SPIRE1: variants seen among roughly 807,000 people sequenced by gnomAD.
SPIRE1 encodes spire type actin nucleation factor 1, also known as protein spire homolog 1.
A neutral mutation model predicts 94.1 loss-of-function variants in SPIRE1; 40 were observed. The ratio of observed to expected loss-of-function variants is 0.43; its 90% confidence interval spans 0.33 to 0.55. The LOEUF (loss-of-function observed/expected upper bound fraction) is 0.55. Ranked by LOEUF, SPIRE1 falls within the 20% of genes least tolerant of loss-of-function variation. The probability of loss-of-function intolerance (pLI) is 0.06; values close to 1 mark genes in which losing one functional copy is unlikely to be tolerated. For missense variants in SPIRE1, 838 were observed against 975.2 expected (o/e 0.86, Z 1.87); for synonymous variants, 376 against 371.7 (o/e 1.01, Z -0.13).
intron 1 of SPIRE1, among the ~76,000 whole-genome samples, chr18:12,656,934 T>C (rs2144918621): frequency 6.6e-6 from 1 of 152,320 alleles, no homozygotes; most frequent in African/African-American, 2.4e-5. Flanking sequence ...AAAATCACTA[T>C]TTAGTCTATT....
intron 2 of SPIRE1, among the ~76,000 whole-genome samples, chr18:12,590,946 T>C (rs1287533187): frequency 6.6e-6 from 1 of 152,230 alleles, no homozygotes; most frequent in African/African-American, 2.4e-5. Context: ...TATAGTCATA[T>C]ATTATCATTT....
chr18:12,648,732 A>T (rs1158594894), intron 1 of SPIRE1, among the ~76,000 whole-genome samples: 1 of 152,022 alleles, frequency 6.6e-6, no homozygotes, highest in African/African-American at 2.4e-5. Context: ...TCTACTAAAA[A>T]TACAAAATTA....
At position 12,544,216 on chromosome 18, in the gene SPIRE1, T is replaced by C. The variant is rs75114664; in HGVS notation, c.603+2458A>G. Among the ~76,000 whole-genome samples the C allele has an allele frequency of 3.8e-4, 57 of 151,904 alleles. No individual in the cohort carries two copies. In the East Asian group the frequency reaches 0.01, roughly 27 times the overall value. Reference sequence around the variant, plus strand: ...TTTCTTTCTTTTTTTTTTTCTTTTTTTGAGACAGAGTCTCACTCTGTCACC... The same window carrying C: ...TTTCTTTCTTTTTTTTTTTCTTTTTCTGAGACAGAGTCTCACTCTGTCACC... On this transcript the variant is annotated intron_variant, in intron 3 of 16. Coordinates refer to ENST00000409402, the MANE Select transcript of SPIRE1 (RefSeq NM_001128626.2).
At chr18:12,460,889 T>C (rs1294305879) in intron 12 of SPIRE1, among the ~76,000 whole-genome samples, 1 of 152,190 alleles carries the variant, frequency 6.6e-6, no homozygotes, top group Non-Finnish European at 1.5e-5. Context: ...ATTTTATGGA[T>C]TTCCCAAGAT....
chr18:12,535,382 C>G, intron 4 of SPIRE1, 94 bp downstream of exon 4: 1 of 1,311,286 alleles, frequency 7.6e-7, no homozygotes, highest in Non-Finnish European at 1.1e-6. Flanking sequence ...AACAATACAG[C>G]GGACAATATT....
At position 12,512,516 on chromosome 18, in the gene SPIRE1, G is replaced by T; in HGVS notation, c.745C>A (p.Gln249Lys). 6.2e-7 allele frequency: 1 copy of T among 1,608,740 alleles called. No individual in the cohort carries two copies. The change falls in exon 5 of 17, where the codon CAA becomes AAA. Residue 249 changes from glutamine (Q) to lysine (K), a missense_variant. Around this residue, in one of 2 missense-constraint regions of SPIRE1, gnomAD observed 645 missense variants for 804.7 expected, o/e 0.80. Transcript: ENST00000409402. ...GATTCATCGCTCTTTTCCATTTCTT[G>T]AATCTTCTTAAGATTCTACAGGTTA... ...KSAKENLKKI[Q>K]EMEKSDESST...
intron 2 of SPIRE1, among the ~76,000 whole-genome samples, chr18:12,571,819 A>C (rs971627955): frequency 2.0e-5 from 3 of 152,250 alleles, no homozygotes; most frequent in Non-Finnish European, 2.9e-5. Flanking sequence ...CAATGGAGAT[A>C]CAGCAATGAA....
intron 8 of SPIRE1, 72 bp from the exon 9 acceptor site, chr18:12,486,072 G>A (rs184594878): frequency 3.3e-6 from 4 of 1,200,048 alleles, no homozygotes; most frequent in Non-Finnish European, 4.7e-6. Flanking sequence ...GGACAAAAAA[G>A]GGAACGGATT....
intron 8 of SPIRE1, among the ~76,000 whole-genome samples, chr18:12,486,604 C>A (rs2033051462): frequency 6.6e-6 from 1 of 152,152 alleles, no homozygotes; most frequent in African/African-American, 2.4e-5. Flanking sequence ...GGGAGTGTGA[C>A]CCCAGGCAAG....
intron 2 of SPIRE1, among the ~76,000 whole-genome samples, chr18:12,606,824 C>T (rs913421330): frequency 1.2e-4 from 19 of 152,148 alleles, no homozygotes; most frequent in Admixed American, 7.2e-4. Flanking sequence ...AGCCATCGCA[C>T]GGGGCCAGAT....
At chr18:12,590,535 A>G (rs192231596) in intron 2 of SPIRE1, among the ~76,000 whole-genome samples, 2 of 152,338 alleles carry the variant, frequency 1.3e-5, no homozygotes, top group African/African-American at 4.8e-5. Context: ...AGAAAGTTAT[A>G]AGATGTTCCA....
chr18:12,452,145 CAAACCAATAA>C, intron 16 of SPIRE1, 100 bp downstream of exon 16: 1 of 1,361,382 alleles, frequency 7.3e-7, no homozygotes, highest in Non-Finnish European at 1.0e-6. Flanking sequence ...AACCAACCAA[CAAACCAATAA>C]AAACCCCTCG....
At chr18:12,631,149 C>T (rs1300514422) in intron 2 of SPIRE1, among the ~76,000 whole-genome samples, 2 of 152,100 alleles carry the variant, frequency 1.3e-5, no homozygotes, top group Non-Finnish European at 2.9e-5. Flanking sequence ...TCTCATACCA[C>T]AGCTCTCAAA....
intron 10 of SPIRE1, among the ~76,000 whole-genome samples, chr18:12,465,197 G>C (rs962978050): frequency 6.6e-6 from 1 of 152,012 alleles, no homozygotes; most frequent in Non-Finnish European, 1.5e-5. Flanking sequence ...GTTTTTTGGA[G>C]ACAGGGTCTC....
intron 10 of SPIRE1, among the ~76,000 whole-genome samples, chr18:12,475,441 TTC>T (rs912684322): frequency 3.5e-4 from 54 of 152,176 alleles, no homozygotes; most frequent in African/African-American, 1.2e-3. Context: ...ACCATCATAT[TTC>T]TGTCTGTACC....
intron 10 of SPIRE1, among the ~76,000 whole-genome samples, chr18:12,471,137 G>A (rs2032343548): frequency 6.6e-6 from 1 of 151,242 alleles, no homozygotes; most frequent in Non-Finnish European, 1.5e-5. Flanking sequence ...ACCAAGATAG[G>A]CTAGCAAAGG....
rs566833481 is a variant in SPIRE1 at position 12,631,647 on chromosome 18, G to A, written c.372+3415C>T. On this transcript the variant is annotated intron_variant, in intron 2 of 16. Transcript: ENST00000409402. ...TCCCAACACTTTGGGAGGGTGAGGC[G>A]GGAGGATCACGAGGTCAGGAGTTCA... 4.6e-5 allele frequency among the ~76,000 whole-genome samples: 7 copies of A among 151,882 alleles called. No homozygotes were observed. The South Asian group carries it at 1.0e-3, about 23-fold the overall frequency.
chr18:12,661,172 G>T (rs1435113702), upstream of SPIRE1, among the ~76,000 whole-genome samples: 1 of 152,118 alleles, frequency 6.6e-6, no homozygotes, highest in Non-Finnish European at 1.5e-5. Flanking sequence ...GCTGGGCATG[G>T]TGGCAGGCAC....
rs140445247 is a variant in SPIRE1 at position 12,449,633 on chromosome 18, G to A, written c.*5C>T. On this transcript the variant is annotated 3_prime_UTR_variant, in exon 17 of 17. Transcript: ENST00000409402. ...TAGCACAAAAGCAGCTGAAAGGCAC[G>A]AGGCTCAGATCTCACTGATCGTCCT... The A allele has an allele frequency of 3.1e-6, 5 of 1,612,182 alleles. No homozygotes were observed. The highest frequency in any genetic ancestry group is 2.2e-5 in the South Asian group (2 of 90,996).
Sources: allele counts gnomAD v4.1 joint callset (sites outside exome capture counted in the v4.1 genomes callset), GRCh38; gene constraint gnomAD v4.1.1; regional missense constraint gnomAD v4.1.1; transcripts MANE v1.5; gene names NCBI Gene and HGNC (gene_info 2026-07-23, HGNC 2026-07-21).